Variants in FREM3 observed in about 807,000 individuals in gnomAD.
FREM3 encodes FRAS1-related extracellular matrix protein 3.
A neutral mutation model predicts 129.1 loss-of-function variants in FREM3; 105 were observed. That is an observed-to-expected ratio of 0.81 (90% confidence interval 0.69 to 0.96). FREM3 has a LOEUF of 0.96. Among genes scored for constraint, FREM3 ranks in the 40% least tolerant of loss-of-function variants. FREM3 has a pLI of 0.00. For missense variants in FREM3, 2,593 were observed against 2,666.3 expected, an observed-to-expected ratio of 0.97 and a Z score of 0.61; for synonymous variants, 1,014 against 1,044.9, an observed-to-expected ratio of 0.97 and a Z score of 0.57.
chr4:143,698,026 T>C lies in FREM3; in HGVS notation c.2650A>G (p.Met884Val). ...TGCATGAAAGATTCCCCTGGGACCA[T>C]ACATCTTTTAAAGTACTGCAAGTGT... ...HGHLQYFKRCMVPGESFMQAD... is the reference protein window; with the variant it reads ...HGHLQYFKRCVVPGESFMQAD... Residue 884 changes from methionine to valine, a missense_variant, in exon 1 of 8, where the codon ATG becomes GTG. Physicochemically the swap from Met to Val is conservative, Grantham distance 21. Around this residue, in one of 2 missense-constraint regions of FREM3, gnomAD observed 2,276 missense variants for 2,267.2 expected, o/e 1.00. Coordinates refer to ENST00000329798, the MANE Select transcript of FREM3 (RefSeq NM_001168235.2). 1.3e-6 allele frequency: 2 copies of C among 1,537,360 alleles called. No individual in the cohort carries two copies. Among genetic ancestry groups the C allele is most frequent in the Non-Finnish European group, 1.7e-6 (2 of 1,146,938 alleles).
At chr4:143,649,723 T>C (rs1490860541) in intron 2 of FREM3, among the ~76,000 whole-genome samples, 1 of 152,152 alleles carries the variant, frequency 6.6e-6, no homozygotes, top group Non-Finnish European at 1.5e-5. Context: ...TATATTTGCA[T>C]TACAGGCTTG....
intron 2 of FREM3, among the ~76,000 whole-genome samples, chr4:143,657,921 T>A (rs1486582703): frequency 6.6e-6 from 1 of 152,176 alleles, no homozygotes; most frequent in East Asian, 1.9e-4. Flanking sequence ...TGACTTCCTC[T>A]CTTTACCTCC....
intron 2 of FREM3, among the ~76,000 whole-genome samples, chr4:143,646,407 G>A (rs1188979688): frequency 6.6e-6 from 1 of 151,968 alleles, no homozygotes; most frequent in East Asian, 1.9e-4. Flanking sequence ...ATATGATTTG[G>A]TTCTGTGTCC....
intron 2 of FREM3, among the ~76,000 whole-genome samples, chr4:143,661,083 G>A (rs958937972): frequency 1.3e-5 from 2 of 151,958 alleles, no homozygotes; most frequent in African/African-American, 2.4e-5. Flanking sequence ...TATTTCGTTC[G>A]CTGCCTGATT....
intron 7 of FREM3, among the ~76,000 whole-genome samples, chr4:143,579,746 C>T (rs1180637059): frequency 2.0e-5 from 3 of 152,150 alleles, no homozygotes; most frequent in African/African-American, 7.2e-5. Flanking sequence ...ATTAATGTAA[C>T]AAGTAACACC....
intron 3 of FREM3, among the ~76,000 whole-genome samples, chr4:143,625,378 C>T (rs1292152006): frequency 6.6e-6 from 1 of 152,112 alleles, no homozygotes; most frequent in African/African-American, 2.4e-5. Flanking sequence ...GATTAATAGC[C>T]CCCCCATGCA....
intron 2 of FREM3, among the ~76,000 whole-genome samples, chr4:143,683,570 C>G (rs1186254332): frequency 6.6e-6 from 1 of 151,732 alleles, no homozygotes; most frequent in Admixed American, 6.6e-5. Flanking sequence ...TCACAGGGAT[C>G]CAACGGGAGA....
At chr4:143,649,196 T>C (rs1739470291) in intron 2 of FREM3, 1 of 152,244 alleles carries the variant, frequency 6.6e-6, no homozygotes, top group Admixed American at 6.5e-5. Context: ...TTAAATTTCA[T>C]TGTAAAGTTT....
At chr4:143,643,446 A>G (rs184156962) in intron 2 of FREM3, among the ~76,000 whole-genome samples, 100 of 151,910 alleles carry the variant, frequency 6.6e-4, no homozygotes, top group Non-Finnish European at 9.9e-4. Context: ...TATAAAGTAT[A>G]TAAATATAAA....
chr4:143,670,556 G>A (rs926192529), intron 2 of FREM3, among the ~76,000 whole-genome samples: 30 of 152,134 alleles, frequency 2.0e-4, no homozygotes, highest in East Asian at 1.9e-3. Flanking sequence ...GACTTTTCAA[G>A]CAATAAACTC....
chr4:143,664,163 G>A (rs1267017721), intron 2 of FREM3, among the ~76,000 whole-genome samples: 1 of 152,078 alleles, frequency 6.6e-6, no homozygotes, highest in East Asian at 1.9e-4. Context: ...GAGGCGCTCT[G>A]GTTTTTAGAG....
At chr4:143,668,271 G>A (rs1176357574) in intron 2 of FREM3, among the ~76,000 whole-genome samples, 1 of 152,142 alleles carries the variant, frequency 6.6e-6, no homozygotes, top group Non-Finnish European at 1.5e-5. Context: ...AGAGAAGGTG[G>A]AAGCAGAGGT....
At chr4:143,665,396 A>G (rs1382486417) in intron 2 of FREM3, among the ~76,000 whole-genome samples, 4 of 152,096 alleles carry the variant, frequency 2.6e-5, no homozygotes, top group Non-Finnish European at 5.9e-5. Context: ...AGTTCTTGAG[A>G]GCAAGGATTA....
chr4:143,632,979 AG>A (rs1173408854), intron 2 of FREM3, among the ~76,000 whole-genome samples: 1 of 152,194 alleles, frequency 6.6e-6, no homozygotes, highest in Non-Finnish European at 1.5e-5. Context: ...TCTTACAGCT[AG>A]GGCATAAGCT....
intron 5 of FREM3, among the ~76,000 whole-genome samples, chr4:143,616,770 GCAA>G (rs1225540734): frequency 6.6e-6 from 1 of 150,826 alleles, no homozygotes; most frequent in Non-Finnish European, 1.5e-5. Context: ...TCCAGCCTGG[GCAA>G]CAGAGCGAGA....
intron 6 of FREM3, among the ~76,000 whole-genome samples, chr4:143,594,373 C>A (rs1422120274): frequency 6.6e-6 from 1 of 152,158 alleles, no homozygotes; most frequent in Non-Finnish European, 1.5e-5. Context: ...TTGGCTCCAC[C>A]CTCTGTCCTG....
intron 5 of FREM3, among the ~76,000 whole-genome samples, chr4:143,618,531 GCTGA>G (rs1738891574): frequency 6.6e-6 from 1 of 152,108 alleles, no homozygotes; most frequent in African/African-American, 2.4e-5. Context: ...TGAGGGCTAA[GCTGA>G]TTAAGTTTGC....
rs776594095 is a variant in FREM3, at chr4:143,696,228, A to T, written c.4448T>A (p.Ile1483Asn). The T allele has an allele frequency of 7.8e-6, 12 of 1,537,896 alleles. No individual in the cohort carries two copies. The highest frequency in any genetic ancestry group is 1.0e-5 in the Non-Finnish European group (12 of 1,147,062). The change falls in exon 1 of 8, where the codon ATT (isoleucine) becomes AAT (asparagine). Residue 1483 changes from isoleucine (I) to asparagine (N), a missense_variant. This residue lies in a region of FREM3 where 2,276 missense variants were observed against 2,267.2 expected (regional missense o/e 1.00). Coordinates refer to ENST00000329798, the MANE Select transcript of FREM3 (RefSeq NM_001168235.2). Reference sequence around the variant, plus strand: ...CAATTGAAGTTGAGTGAAAGAGGCAATGGGTTCCCCAGCATAGTCAGAACT... The same window carrying T: ...CAATTGAAGTTGAGTGAAAGAGGCATTGGGTTCCCCAGCATAGTCAGAACT... ...LESSDYAGEP[I>N]ASFTQLQLAS...
chr4:143,676,937 GAATT>G (rs986788641), intron 2 of FREM3, among the ~76,000 whole-genome samples: 35 of 152,292 alleles, frequency 2.3e-4, no homozygotes, highest in African/African-American at 8.2e-4. Flanking sequence ...TGAATAGGAA[GAATT>G]AATATCGTGA....
Sources: allele counts gnomAD v4.1 joint callset (sites outside exome capture counted in the v4.1 genomes callset), GRCh38; gene constraint gnomAD v4.1.1; regional missense constraint gnomAD v4.1.1; transcripts MANE v1.5; gene names NCBI Gene and HGNC (gene_info 2026-07-23, HGNC 2026-07-21).